The following FGF14 variants were observed in gnomAD, a reference collection of about 807,000 sequenced individuals.
FGF14 encodes the protein fibroblast growth factor 14.
FGF14 carries 5 observed loss-of-function variants against 25.5 expected under a neutral mutation model. The ratio of observed to expected loss-of-function variants is 0.20; its 90% confidence interval spans 0.10 to 0.41. FGF14 has a LOEUF of 0.41. FGF14 is among the 10% of genes least tolerant of loss of function. FGF14 has a pLI of 1.00. For synonymous variants in FGF14, 138 were observed against 118.3 expected, an observed-to-expected ratio of 1.17 and a Z score of -1.08; for missense variants, 222 against 320.1, an observed-to-expected ratio of 0.69 and a Z score of 2.34.
At chr13:101,967,160 G>A (rs189551545) in intron 1 of FGF14, among the ~76,000 whole-genome samples, 2 of 152,270 alleles carry the variant, frequency 1.3e-5, no homozygotes, top group East Asian at 3.9e-4. Context: ...CAGTCACTTA[G>A]AATGAACCTT....
chr13:102,255,400 G>T (rs927672695), intron 1 of FGF14, among the ~76,000 whole-genome samples: 1 of 152,082 alleles, frequency 6.6e-6, no homozygotes, highest in African/African-American at 2.4e-5. Context: ...ATTTGCCTTT[G>T]CTTTTTACAT....
At position 101,714,960 on chromosome 13, in the gene FGF14, G is replaced by A. The variant is rs756917139; in HGVS notation, c.*7871C>T. On this transcript the variant is annotated 3_prime_UTR_variant, in exon 5 of 5. Coordinates refer to ENST00000376143, the MANE Select transcript of FGF14 (RefSeq NM_004115.4). ...TGTGTTGGTTGCTTTTAGGGAACTG[G>A]ATGTGTGTATGGGGGAGAGGTATAA... 4 of 196,942 alleles carry A rather than the reference G, an allele frequency of 2.0e-5. No individual in the cohort carries two copies. Among genetic ancestry groups the A allele is most frequent in the Admixed American group, 5.4e-5 (1 of 18,416 alleles). 12.2% of individuals were successfully genotyped at this position (196,942 alleles called of 1,614,324 possible).
At chr13:102,225,008 A>G (rs1339983403) in intron 1 of FGF14, among the ~76,000 whole-genome samples, 1 of 152,028 alleles carries the variant, frequency 6.6e-6, no homozygotes, top group Admixed American at 6.6e-5. Flanking sequence ...CCTGAAGAGG[A>G]GCCCTTCTGA....
At chr13:102,018,739 C>A (rs1288753659) in intron 1 of FGF14, among the ~76,000 whole-genome samples, 1 of 152,084 alleles carries the variant, frequency 6.6e-6, no homozygotes, top group African/African-American at 2.4e-5. Context: ...TCAGAAAACT[C>A]TTCCTCTTAA....
chr13:101,713,378 G>A lies in FGF14; in HGVS notation c.*9453C>T, dbSNP rs1051046890. The A allele has an allele frequency of 6.6e-6, 1 of 151,984 alleles. No homozygotes were observed. The highest frequency in any genetic ancestry group is 2.1e-4 in the South Asian group (1 of 4,830). The allele number at this position is 151,984 out of a possible 1,614,324, so 9.4% of individuals were successfully genotyped here. ...AATATATTTTGAACTTACCAATTCT[G>A]CAGTTTTGTTAAATATGTCAAAATA... On this transcript the variant is annotated 3_prime_UTR_variant, in exon 5 of 5. Transcript: ENST00000376143.
At chr13:102,343,838 C>T (rs2057025593) in intron 1 of FGF14, among the ~76,000 whole-genome samples, 3 of 152,184 alleles carry the variant, frequency 2.0e-5, no homozygotes, top group Non-Finnish European at 4.4e-5. Context: ...CATTAAGATA[C>T]ATTTTTCAAG....
intron 3 of FGF14, among the ~76,000 whole-genome samples, chr13:101,822,785 A>C (rs2042220536): frequency 6.6e-6 from 1 of 152,220 alleles, no homozygotes; most frequent in African/African-American, 2.4e-5. Flanking sequence ...AATTATTTTA[A>C]GTATAGTCAC....
intron 1 of FGF14, among the ~76,000 whole-genome samples, chr13:102,161,504 T>C (rs1423395894): frequency 6.6e-6 from 1 of 151,644 alleles, no homozygotes; most frequent in East Asian, 1.9e-4. Flanking sequence ...CCTTTGCAAA[T>C]GAAGGAAAAC....
chr13:101,995,832 G>A (rs2039149849), intron 1 of FGF14, among the ~76,000 whole-genome samples: 1 of 152,116 alleles, frequency 6.6e-6, no homozygotes, highest in African/African-American at 2.4e-5. Context: ...TGACATAGAG[G>A]GTAGAAGAAT....
At chr13:101,833,620 TACAG>T (rs1555391360) in intron 3 of FGF14, among the ~76,000 whole-genome samples, 2 of 152,078 alleles carry the variant, frequency 1.3e-5, no homozygotes, top group Admixed American at 6.6e-5. Flanking sequence ...TATACATATA[TACAG>T]ACAGATAGGT....
intron 1 of FGF14, among the ~76,000 whole-genome samples, chr13:101,926,197 C>T (rs763750928): frequency 4.0e-4 from 61 of 152,318 alleles, no homozygotes; most frequent in Admixed American, 9.8e-4. Flanking sequence ...ACCACACCTA[C>T]CCTGTATCCA....
At chr13:102,055,995 G>A (rs535842584) in intron 1 of FGF14, among the ~76,000 whole-genome samples, 13 of 152,226 alleles carry the variant, frequency 8.5e-5, no homozygotes, top group African/African-American at 2.6e-4. Context: ...TCACTACCAC[G>A]AGAACAGTAT....
chr13:102,178,020 A>G (rs2048516679), intron 1 of FGF14, among the ~76,000 whole-genome samples: 1 of 151,998 alleles, frequency 6.6e-6, no homozygotes. Flanking sequence ...GCAGCAACTC[A>G]CAGCAACATC....
intron 1 of FGF14, among the ~76,000 whole-genome samples, chr13:102,023,644 T>A (rs1470360479): frequency 6.6e-6 from 1 of 152,104 alleles, no homozygotes; most frequent in Non-Finnish European, 1.5e-5. Context: ...CTATGTTCTT[T>A]CTCTATGAAT....
intron 1 of FGF14, among the ~76,000 whole-genome samples, chr13:102,055,628 A>C (rs1316429268): frequency 1.3e-5 from 2 of 152,150 alleles, no homozygotes; most frequent in African/African-American, 4.8e-5. Flanking sequence ...CCCATGATAC[A>C]TTTATTAAAG....
chr13:102,267,516 T>A lies in FGF14; in HGVS notation c.208+133955A>T, dbSNP rs188364141. Among the ~76,000 whole-genome samples, 13 of 152,296 alleles carry A rather than the reference T, an allele frequency of 8.5e-5. No homozygotes were observed. In the East Asian group the frequency reaches 1.9e-3, roughly 23 times the overall value. ...AACATTGAAGGACATATGAAATGTA[T>A]TGGCCATTTTTAAAGTTATGTATCA... is the stretch of plus-strand genomic sequence containing the variant. On this transcript the variant is annotated intron_variant, in intron 1 of 4. Transcript: ENST00000376131.
At chr13:102,054,252 T>G (rs1241467557) in intron 1 of FGF14, among the ~76,000 whole-genome samples, 1 of 152,180 alleles carries the variant, frequency 6.6e-6, no homozygotes, top group Non-Finnish European at 1.5e-5. Flanking sequence ...TTCTCACACT[T>G]TTTGATGTGG....
intron 1 of FGF14, among the ~76,000 whole-genome samples, chr13:102,030,423 C>A (rs1166753312): frequency 6.6e-6 from 1 of 151,932 alleles, no homozygotes; most frequent in Non-Finnish European, 1.5e-5. Context: ...CTGCAACCAA[C>A]CAGCCAACCT....
intron 3 of FGF14, among the ~76,000 whole-genome samples, chr13:101,807,488 C>T (rs1025968004): frequency 6.6e-5 from 10 of 152,190 alleles, no homozygotes; most frequent in Admixed American, 5.2e-4. Flanking sequence ...TATTCATTTA[C>T]GTCCTTCTAT....
Sources: gnomAD v4.1 joint callset for allele counts (sites outside exome capture counted in the v4.1 genomes callset) on GRCh38, gnomAD v4.1.1 for gene constraint, MANE v1.5 for transcripts, NCBI Gene and HGNC (gene_info 2026-07-23, HGNC 2026-07-21) for gene names.